Variants in EYS observed in about 807,000 individuals in gnomAD.
The protein encoded by EYS is protein eyes shut homolog.
Under a neutral mutation model 282.1 loss-of-function variants are expected in EYS, and 250 were observed. The ratio of observed to expected loss-of-function variants is 0.89; its 90% CI spans 0.80 to 0.98. EYS has a LOEUF of 0.98. EYS is among the 50% of genes least tolerant of loss of function. The probability of loss-of-function intolerance (pLI) is 0.00; values close to 1 mark genes in which losing one functional copy is unlikely to be tolerated. For synonymous variants in EYS, 1,355 were observed against 1,282.9 expected (o/e 1.06, Z -1.20); for missense variants, 4,016 against 3,709.0 (o/e 1.08, Z -2.15).
At chr6:65,445,366 C>T (rs897410376) in intron 5 of EYS, among the ~76,000 whole-genome samples, 1 of 151,796 alleles carries the variant, frequency 6.6e-6, no homozygotes. Flanking sequence ...TAGTATTCAT[C>T]TTTAACAACT....
At chr6:65,122,388 C>A (rs1775582177) in intron 12 of EYS, among the ~76,000 whole-genome samples, 1 of 151,956 alleles carries the variant, frequency 6.6e-6, no homozygotes, top group African/African-American at 2.4e-5. Flanking sequence ...AGACAGGGAC[C>A]TAATTGGGCT....
At chr6:64,233,830 G>T (rs1005136313) in intron 30 of EYS, among the ~76,000 whole-genome samples, 1 of 152,134 alleles carries the variant, frequency 6.6e-6, no homozygotes, top group Non-Finnish European at 1.5e-5. Context: ...TCGTGTTGGG[G>T]AACTCTAGTT....
chr6:64,082,708 ATTAGTT>A lies in EYS; in HGVS notation c.6425-712_6425-707del, dbSNP rs1444232193. ...TAGTATTACTATAATATGCAAGGTTATTAGTTTTAGACTTATAGAATTATTTGTATT... is the reference window on the plus strand; with the variant it reads ...TAGTATTACTATAATATGCAAGGTTATTAGACTTATAGAATTATTTGTATT... On this transcript the variant is annotated intron_variant, in intron 31 of 42. Coordinates refer to ENST00000503581, the MANE Select transcript of EYS (RefSeq NM_001142800.2). Among the ~76,000 whole-genome samples, 4 of 152,238 alleles carry A rather than the reference ATTAGTT, an allele frequency of 2.6e-5. No homozygotes were observed. In the South Asian group the frequency reaches 8.3e-4, roughly 32 times the overall value.
intron 24 of EYS, among the ~76,000 whole-genome samples, chr6:64,614,552 C>T (rs115286119): frequency 0.013 from 2,044 of 152,122 alleles, 20 homozygotes; most frequent in Middle Eastern, 0.034. Flanking sequence ...AATGAAAACA[C>T]GTATACAGAT....
chr6:65,362,596 C>T (rs1764753412), intron 8 of EYS, among the ~76,000 whole-genome samples: 1 of 151,434 alleles, frequency 6.6e-6, no homozygotes, highest in African/African-American at 2.4e-5. Flanking sequence ...TGTACGTATA[C>T]ATTTATATAT....
At chr6:65,326,430 A>G (rs575965267) in intron 11 of EYS, among the ~76,000 whole-genome samples, 43 of 151,520 alleles carry the variant, frequency 2.8e-4, no homozygotes, top group African/African-American at 5.3e-4. Flanking sequence ...TAAGATATAC[A>G]TATGCATATG....
intron 1 of EYS, among the ~76,000 whole-genome samples, chr6:65,663,120 A>C (rs1407426426): frequency 6.6e-6 from 1 of 152,156 alleles, no homozygotes; most frequent in Non-Finnish European, 1.5e-5. Context: ...GGGTAATCAC[A>C]ATGTTTCTTA....
chr6:64,789,384 T>G (rs1774115092), intron 22 of EYS, among the ~76,000 whole-genome samples: 2 of 152,202 alleles, frequency 1.3e-5, no homozygotes, highest in Admixed American at 6.5e-5. Flanking sequence ...GAACATGGGG[T>G]GAAGCATGCA....
chr6:64,965,131 C>G (rs1006432049), intron 14 of EYS, among the ~76,000 whole-genome samples: 1 of 152,084 alleles, frequency 6.6e-6, no homozygotes, highest in Non-Finnish European at 1.5e-5. Context: ...AATATTAAAA[C>G]TGCAAAATTG....
In EYS at chr6:64,482,735, T is replaced by C. The variant is rs1254704414; in HGVS notation, c.5645-43383A>G. Among the ~76,000 whole-genome samples, 9 of 151,884 alleles carry C rather than the reference T, an allele frequency of 5.9e-5. No homozygotes were observed. In the East Asian group the frequency reaches 1.7e-3, roughly 29 times the overall value. On this transcript the variant is annotated intron_variant, in intron 26 of 42. Transcript: ENST00000503581. Reference sequence around the variant, plus strand: ...TTTTAGCACAAAGATTTAAGAAAAATTCTTTTTGCTTACAATTTGCATCTG... The same window carrying C: ...TTTTAGCACAAAGATTTAAGAAAAACTCTTTTTGCTTACAATTTGCATCTG...
intron 8 of EYS, 130 bp from the exon 9 acceptor site, chr6:65,353,747 T>C: frequency 1.5e-6 from 1 of 681,732 alleles, no homozygotes; most frequent in South Asian, 1.8e-5. Flanking sequence ...ACACTTTTTA[T>C]ACTTCTCTTT....
chr6:64,322,522 G>A (rs12198654), intron 29 of EYS, among the ~76,000 whole-genome samples: 3 of 151,972 alleles, frequency 2.0e-5, no homozygotes, highest in African/African-American at 7.2e-5. Context: ...CAATATCTCA[G>A]AGAGAAGGAA....
intron 19 of EYS, among the ~76,000 whole-genome samples, chr6:64,883,462 A>C (rs896106851): frequency 2.0e-5 from 3 of 151,258 alleles, no homozygotes; most frequent in African/African-American, 7.3e-5. Context: ...ATTAATATAG[A>C]TATAAACACA....
At chr6:64,556,532 C>T (rs1765237066) in intron 26 of EYS, among the ~76,000 whole-genome samples, 1 of 151,918 alleles carries the variant, frequency 6.6e-6, no homozygotes, top group Admixed American at 6.6e-5. Context: ...AGAAAATGGA[C>T]ATATTCTATA....
At chr6:65,001,479 C>G (rs1186212471) in intron 13 of EYS, among the ~76,000 whole-genome samples, 3 of 147,686 alleles carry the variant, frequency 2.0e-5, no homozygotes, top group African/African-American at 4.9e-5. Flanking sequence ...CCTGTCTTAC[C>G]TCTTCAACTT....
At chr6:65,114,575 G>GA (rs1008772081) in intron 12 of EYS, among the ~76,000 whole-genome samples, 3 of 151,544 alleles carry the variant, frequency 2.0e-5, no homozygotes, top group African/African-American at 4.8e-5. Context: ...TCCAGAAGTG[G>GA]AAAAAATCTA....
In EYS at chr6:65,472,955, C is replaced by T. The variant is rs138994820; in HGVS notation, c.862+17639G>A. ...GTTATGCTTTCATAAGCAATGACAC[C>T]GGTTTAATGAAATGAAACAATTTAC... On this transcript the variant is annotated intron_variant, in intron 5 of 42. Transcript: ENST00000503581. Among the ~76,000 whole-genome samples, 143 of 151,682 alleles carry T rather than the reference C, an allele frequency of 9.4e-4. 1 individual carries two copies. In the East Asian group the frequency reaches 0.022, roughly 24 times the overall value.
At chr6:64,766,649 A>AATATAT (rs70999172) in intron 22 of EYS, among the ~76,000 whole-genome samples, 340 of 19,018 alleles carry the variant, frequency 0.018, 42 homozygotes, top group Non-Finnish European at 0.021. Context: ...AAAAAAAAAA[A>AATATAT]ATATATATAT....
intron 12 of EYS, among the ~76,000 whole-genome samples, chr6:65,110,354 G>A (rs1283972840): frequency 6.6e-6 from 1 of 151,990 alleles, no homozygotes; most frequent in African/African-American, 2.4e-5. Context: ...AAGTAGTTTT[G>A]AAAACAAATG....
Sources: allele counts gnomAD v4.1 joint callset (sites outside exome capture counted in the v4.1 genomes callset), GRCh38; gene constraint gnomAD v4.1.1; transcripts MANE v1.5; gene names NCBI Gene and HGNC (gene_info 2026-07-23, HGNC 2026-07-21).